IL17RD: variants seen among roughly 807,000 people sequenced by gnomAD.
The protein encoded by IL17RD is interleukin 17 receptor D, also known as interleukin-17 receptor D.
In IL17RD, 52 loss-of-function variants were observed where a neutral mutation model predicts 80.5. The observed-to-expected ratio is 0.65, with a 90% CI of 0.52 to 0.81. The LOEUF is 0.81. Ranked by LOEUF, IL17RD falls within the 40% of genes least tolerant of loss-of-function variation. IL17RD has a pLI of 0.00. For synonymous variants in IL17RD, 416 were observed against 391.8 expected (o/e 1.06, Z -0.73); for missense variants, 1,024 against 955.1 (o/e 1.07, Z -0.95).
In IL17RD at chr3:57,109,643, T is replaced by C. The variant is rs151166237; in HGVS notation, c.444A>G (p.Gln148=). 4.1e-4 allele frequency: 664 copies of C among 1,612,958 alleles called. No homozygotes were observed. The highest frequency in any genetic ancestry group is 5.0e-4 in the Non-Finnish European group (586 of 1,179,514). The change falls in exon 5 of 13, where the codon CAA becomes CAG. Residue 148 remains glutamine (Q), a synonymous_variant. Transcript: ENST00000296318. ...TTTCAAATTTCATATTCAGGAAAGGTTGAGATTCCATTCCCTAAAAGGGAA... is the reference window on the plus strand; with the variant it reads ...TTTCAAATTTCATATTCAGGAAAGGCTGAGATTCCATTCCCTAAAAGGGAA... ...SSFKRTGMES[Q]PFLNMKFETD...
intron 1 of IL17RD, among the ~76,000 whole-genome samples, chr3:57,163,533 C>T (rs1275843549): frequency 6.6e-6 from 1 of 152,042 alleles, no homozygotes; most frequent in African/African-American, 2.4e-5. Context: ...GACTGATTTA[C>T]CTACGCCATC....
At position 57,098,020 on chromosome 3, in the gene IL17RD, T is replaced by C; in HGVS notation, c.1683A>G (p.Glu561=). ...GAGGATGGAAGGGAACGAACTGCTT[T>C]TCGAACCAGTCGGGCTCCTCGTCAA... The part of the protein sequence containing the change: ...QFIDEEPDWF[E]KQFVPFHPPP... The change falls in exon 12 of 13, where the codon GAA becomes GAG. Residue 561 remains glutamate (E), a synonymous_variant. Coordinates refer to ENST00000296318, the MANE Select transcript of IL17RD (RefSeq NM_017563.5). The C allele has an allele frequency of 3.7e-6, 6 of 1,614,022 alleles. No homozygotes were observed. Among genetic ancestry groups the C allele is most frequent in the Non-Finnish European group, 5.1e-6 (6 of 1,179,892 alleles).
chr3:57,146,045 G>GCGCA (rs766646872), intron 1 of IL17RD, among the ~76,000 whole-genome samples: 39 of 151,246 alleles, frequency 2.6e-4, no homozygotes, highest in African/African-American at 6.8e-4. Flanking sequence ...GCGCGCGCGC[G>GCGCA]CACACACACA....
upstream of IL17RD, among the ~76,000 whole-genome samples, chr3:57,168,175 T>C (rs1383886715): frequency 1.3e-5 from 2 of 152,138 alleles, no homozygotes; most frequent in African/African-American, 2.4e-5. Flanking sequence ...AAAGGAGCAG[T>C]ACTTAGCACT....
intron 1 of IL17RD, among the ~76,000 whole-genome samples, chr3:57,163,392 C>T (rs191011499): frequency 3.2e-4 from 48 of 152,184 alleles, no homozygotes; most frequent in Admixed American, 9.8e-4. Context: ...AGAACACACT[C>T]GCACAGGTAG....
Position 57,094,789 on chromosome 3 carries a change from T to A in IL17RD, c.*1604A>T, listed in dbSNP as rs545875485. 6.6e-6 allele frequency: 1 copy of A among 152,416 alleles called. No individual in the cohort carries two copies. The highest frequency in any genetic ancestry group is 6.5e-5 in the Admixed American group (1 of 15,272). 9.4% of individuals were successfully genotyped at this position (152,416 alleles called of 1,614,324 possible). A position where few individuals can be genotyped will look rare whatever the true frequency, so the allele number is the denominator to read the frequency against. On this transcript the variant is annotated 3_prime_UTR_variant, in exon 13 of 13. Coordinates refer to ENST00000296318, the MANE Select transcript of IL17RD (RefSeq NM_017563.5). The stretch of plus-strand genomic sequence containing the variant: ...CAACATAAAATGACTCTTCTCTGAG[T>A]TGCCTGTTGTTATGGGGAGGCAGTC...
chr3:57,155,430 A>G (rs1293197117), intron 1 of IL17RD, among the ~76,000 whole-genome samples: 4 of 152,240 alleles, frequency 2.6e-5, no homozygotes, highest in African/African-American at 7.2e-5. Flanking sequence ...TCTCCCTGTC[A>G]TGAGTGGGAA....
chr3:57,097,282 T>A (rs1277483927), intron 12 of IL17RD, among the ~76,000 whole-genome samples: 2 of 152,176 alleles, frequency 1.3e-5, no homozygotes, highest in African/African-American at 4.8e-5. Context: ...CCCAAGACCC[T>A]TGGGGCCCAA....
At chr3:57,158,027 G>A (rs776550333) in intron 1 of IL17RD, among the ~76,000 whole-genome samples, 1 of 152,120 alleles carries the variant, frequency 6.6e-6, no homozygotes, top group African/African-American at 2.4e-5. Context: ...TTGTATTTAA[G>A]GCCTAATCCC....
At chr3:57,159,457 T>A (rs2060289123) in intron 1 of IL17RD, among the ~76,000 whole-genome samples, 1 of 152,154 alleles carries the variant, frequency 6.6e-6, no homozygotes, top group African/African-American at 2.4e-5. Context: ...CGGGAAGAGC[T>A]TCAAAGGCTG....
chr3:57,121,890 ACT>A (rs1707347241), intron 1 of IL17RD, among the ~76,000 whole-genome samples: 2 of 152,048 alleles, frequency 1.3e-5, no homozygotes, highest in Non-Finnish European at 2.9e-5. Flanking sequence ...CAAGACATAA[ACT>A]CACTCCCCAT....
At chr3:57,169,552 G>T (rs907325113), upstream of IL17RD, among the ~76,000 whole-genome samples, 3 of 152,286 alleles carry the variant, frequency 2.0e-5, no homozygotes, top group African/African-American at 7.2e-5. Context: ...CATAAAAAAA[G>T]ATAAAGTGAT....
intron 1 of IL17RD, among the ~76,000 whole-genome samples, chr3:57,138,051 G>A (rs1463108645): frequency 6.6e-6 from 1 of 152,202 alleles, no homozygotes; most frequent in Non-Finnish European, 1.5e-5. Flanking sequence ...GGTATTTAGA[G>A]CAGTCAAATT....
At chr3:57,107,924 A>G (rs1707000725) in intron 5 of IL17RD, among the ~76,000 whole-genome samples, 1 of 152,230 alleles carries the variant, frequency 6.6e-6, no homozygotes, top group East Asian at 1.9e-4. Context: ...GACATTAAAT[A>G]AACAGAACTT....
chr3:57,096,337 G>T lies in IL17RD; in HGVS notation c.*56C>A. On this transcript the variant is annotated 3_prime_UTR_variant, in exon 13 of 13. Transcript: ENST00000296318. Reference sequence around the variant, plus strand: ...GGCCATGCAACCAGGGAGATGAGCTGGGGAATCAGAGGGAGGCAGCAGCTA... The same window carrying T: ...GGCCATGCAACCAGGGAGATGAGCTTGGGAATCAGAGGGAGGCAGCAGCTA... The T allele has an allele frequency of 1.7e-6, 2 of 1,163,378 alleles. No homozygotes were observed. The highest frequency in any genetic ancestry group is 2.6e-6 in the Non-Finnish European group (2 of 768,120). The allele number at this position is 1,163,378 out of a possible 1,614,324, so 72.1% of individuals were successfully genotyped here.
intron 1 of IL17RD, chr3:57,134,208 G>A (rs531426171): frequency 2.9e-6 from 2 of 688,370 alleles, no homozygotes; most frequent in Non-Finnish European, 5.5e-6. Context: ...GGTCTGGTTG[G>A]ACCCCAATAA....
intron 1 of IL17RD, among the ~76,000 whole-genome samples, chr3:57,145,638 A>G (rs1013752647): frequency 6.6e-6 from 1 of 152,238 alleles, no homozygotes; most frequent in African/African-American, 2.4e-5. Flanking sequence ...GTGTCTAGGT[A>G]GCAAAAGAGG....
chr3:57,114,847 A>C, intron 2 of IL17RD, 30 bp from the exon 3 acceptor site: 1 of 1,497,618 alleles, frequency 6.7e-7, no homozygotes, highest in South Asian at 1.3e-5. Flanking sequence ...AGAACAGTTA[A>C]ATTTAAAATT....
In IL17RD at chr3:57,163,789, G is replaced by T. The variant is rs1402100730; in HGVS notation, c.126+1372C>A. Reference sequence around the variant, plus strand: ...GAATGACAGAGCCTAATGGGGCGGGGGGGCGGGGGGGGAAGGGGGTGGCGG... The same window carrying T: ...GAATGACAGAGCCTAATGGGGCGGGTGGGCGGGGGGGGAAGGGGGTGGCGG... On this transcript the variant is annotated intron_variant, in intron 1 of 12. Coordinates refer to ENST00000296318, the MANE Select transcript of IL17RD (RefSeq NM_017563.5). Among the ~76,000 whole-genome samples the T allele has an allele frequency of 2.2e-4, 23 of 105,698 alleles. 2 individuals are homozygous for T. Among genetic ancestry groups the T allele is most frequent in the Non-Finnish European group, 4.3e-4 (23 of 53,612 alleles). 69.3% of individuals were successfully genotyped at this position (105,698 alleles called of 152,430 possible).
Sources: gnomAD v4.1 joint callset for allele counts (sites outside exome capture counted in the v4.1 genomes callset) on GRCh38, gnomAD v4.1.1 for gene constraint, MANE v1.5 for transcripts, NCBI Gene and HGNC (gene_info 2026-07-23, HGNC 2026-07-21) for gene names.